Variants in ANKRD36C observed in about 807,000 individuals in gnomAD.
The protein encoded by ANKRD36C is ankyrin repeat domain 36C.
In ANKRD36C, 61 loss-of-function variants were observed where a neutral mutation model predicts 276.4. That is an observed-to-expected ratio of 0.22 (90% CI 0.18 to 0.27). ANKRD36C has a LOEUF of 0.27. Among genes scored for constraint, ANKRD36C ranks in the 10% least tolerant of loss-of-function variants. The probability of loss-of-function intolerance (pLI) is 1.00; values close to 1 mark genes in which losing one functional copy is unlikely to be tolerated. For missense variants in ANKRD36C, 1,447 were observed against 2,032.3 expected (o/e 0.71, Z 5.54); for synonymous variants, 483 against 680.1 (o/e 0.71, Z 4.51).
chr2:95,857,972 T>G (rs1675460228), intron 61 of ANKRD36C, among the ~76,000 whole-genome samples: 1 of 151,926 alleles, frequency 6.6e-6, no homozygotes, highest in Admixed American at 6.6e-5. Flanking sequence ...AACATTTCTT[T>G]CCATTAATCC....
intron 10 of ANKRD36C, among the ~76,000 whole-genome samples, chr2:95,959,387 G>A (rs1341863262): frequency 2.0e-5 from 3 of 152,164 alleles, no homozygotes; most frequent in African/African-American, 7.2e-5. Context: ...GAGTCATAAT[G>A]TGCCTACATT....
chr2:95,870,926 A>G (rs1261122899), intron 59 of ANKRD36C, among the ~76,000 whole-genome samples: 1 of 152,190 alleles, frequency 6.6e-6, no homozygotes, highest in Non-Finnish European at 1.5e-5. Flanking sequence ...GTGATGGAAG[A>G]TGAAATGAAT....
chr2:95,969,978 A>G (rs1439843081), intron 6 of ANKRD36C, among the ~76,000 whole-genome samples: 1 of 152,108 alleles, frequency 6.6e-6, no homozygotes, highest in Non-Finnish European at 1.5e-5. Flanking sequence ...GTTTTCAGGC[A>G]TTCACTAAGG....
intron 62 of ANKRD36C, among the ~76,000 whole-genome samples, chr2:95,856,760 G>C (rs939890187): frequency 1.3e-5 from 2 of 152,132 alleles, no homozygotes; most frequent in African/African-American, 2.4e-5. Context: ...AACTCATTTA[G>C]TTATAATTCT....
chr2:95,860,731 A>T (rs1343577698), intron 60 of ANKRD36C, among the ~76,000 whole-genome samples: 1 of 152,182 alleles, frequency 6.6e-6, no homozygotes, highest in East Asian at 1.9e-4. Flanking sequence ...CGAGGCCATG[A>T]CAAAGGGAGA....
intron 1 of ANKRD36C, among the ~76,000 whole-genome samples, chr2:95,989,044 C>T (rs188539214): frequency 2.6e-5 from 4 of 152,280 alleles, no homozygotes; most frequent in Admixed American, 2.0e-4. Flanking sequence ...TGGCACACAT[C>T]TGTAATCCCA....
At chr2:95,862,364 C>T (rs1186666035) in intron 60 of ANKRD36C, among the ~76,000 whole-genome samples, 1 of 151,650 alleles carries the variant, frequency 6.6e-6, no homozygotes, top group African/African-American at 2.4e-5. Context: ...GATTAAAGAC[C>T]GATAACAAAA....
chr2:95,926,251 G>C (rs900183917), intron 28 of ANKRD36C, among the ~76,000 whole-genome samples: 4 of 151,466 alleles, frequency 2.6e-5, no homozygotes, highest in African/African-American at 9.7e-5. Flanking sequence ...TATAATAAAT[G>C]ATCAAATTTG....
chr2:95,910,577 C>T lies in ANKRD36C; in HGVS notation c.2653+1667G>A, dbSNP rs1280387315. ...TGGTTTCTGAGAAGACACTGAAAAGCAAAAGGGATTCATAATCACTCATAT... is the reference window on the plus strand; with the variant it reads ...TGGTTTCTGAGAAGACACTGAAAAGTAAAAGGGATTCATAATCACTCATAT... On this transcript the variant is annotated intron_variant, in intron 42 of 66. Transcript: ENST00000456556. The T allele has an allele frequency of 1.9e-6, 3 of 1,605,436 alleles. No individual in the cohort carries two copies. The highest frequency in any genetic ancestry group is 1.3e-5 in the African/African-American group (1 of 74,522).
chr2:95,989,662 G>C (rs948375628), intron 1 of ANKRD36C, among the ~76,000 whole-genome samples: 1 of 152,058 alleles, frequency 6.6e-6, no homozygotes, highest in African/African-American at 2.4e-5. Flanking sequence ...AGATATTTTA[G>C]TATAATGGAA....
chr2:95,991,204 C>G (rs1196987491), intron 1 of ANKRD36C, among the ~76,000 whole-genome samples: 2 of 129,906 alleles, frequency 1.5e-5, no homozygotes, highest in East Asian at 4.8e-4. Flanking sequence ...AACCCTCACC[C>G]CATCTCCCCA....
intron 5 of ANKRD36C, among the ~76,000 whole-genome samples, chr2:95,978,784 T>C (rs1319202753): frequency 6.6e-6 from 1 of 152,076 alleles, no homozygotes; most frequent in South Asian, 2.1e-4. Context: ...ATTCAGGTTA[T>C]CTCAACTATT....
At chr2:95,894,640 G>C (rs1191644010) in intron 44 of ANKRD36C, among the ~76,000 whole-genome samples, 1 of 151,332 alleles carries the variant, frequency 6.6e-6, no homozygotes, top group Non-Finnish European at 1.5e-5. Flanking sequence ...TATACAAGAG[G>C]TAGCTCTTTG....
chr2:95,990,891 T>TA (rs1679125497), intron 1 of ANKRD36C, among the ~76,000 whole-genome samples: 1 of 152,224 alleles, frequency 6.6e-6, no homozygotes, highest in Non-Finnish European at 1.5e-5. Flanking sequence ...ACGTGTACAT[T>TA]AAAAATAAAA....
intron 59 of ANKRD36C, among the ~76,000 whole-genome samples, chr2:95,874,416 C>A (rs1477823363): frequency 1.3e-5 from 2 of 152,166 alleles, no homozygotes; most frequent in Non-Finnish European, 2.9e-5. Context: ...CTGAGAAAAA[C>A]AAGCAACGGG....
chr2:95,953,788 C>G (rs1407630072), intron 14 of ANKRD36C, 151 bp downstream of exon 14: 1 of 580,600 alleles, frequency 1.7e-6, no homozygotes, highest in Admixed American at 4.1e-5. Context: ...AAAATTAACC[C>G]CTCTCATTTC....
intron 30 of ANKRD36C, among the ~76,000 whole-genome samples, chr2:95,924,268 T>C (rs1340751321): frequency 6.6e-6 from 1 of 151,598 alleles, no homozygotes; most frequent in Non-Finnish European, 1.5e-5. Flanking sequence ...ATCATACACA[T>C]GTGGTGGAAT....
intron 56 of ANKRD36C, among the ~76,000 whole-genome samples, chr2:95,881,379 T>G (rs918485385): frequency 6.6e-6 from 1 of 152,236 alleles, no homozygotes; most frequent in Non-Finnish European, 1.5e-5. Context: ...TTAATAAACT[T>G]ATACATTTGG....
At chr2:95,980,527 T>C in intron 5 of ANKRD36C, 121 bp downstream of exon 5, 2 of 1,355,186 alleles carry the variant, frequency 1.5e-6, no homozygotes, top group South Asian at 1.9e-5. Flanking sequence ...ACTTGAAAAT[T>C]TGTCACTTGA....
Sources: gnomAD v4.1 joint callset for allele counts (sites outside exome capture counted in the v4.1 genomes callset) on GRCh38, gnomAD v4.1.1 for gene constraint, MANE v1.5 for transcripts, NCBI Gene and HGNC (gene_info 2026-07-23, HGNC 2026-07-21) for gene names.